Variants in NPLOC4 observed in about 807,000 individuals in gnomAD.
NPLOC4 encodes nuclear protein localization protein 4 homolog.
NPLOC4 carries 18 observed loss-of-function variants against 80.6 expected under a neutral mutation model. That is an observed-to-expected ratio of 0.22 (90% CI 0.15 to 0.33). The LOEUF is 0.33. NPLOC4 is among the 10% of genes least tolerant of loss of function. NPLOC4 has a pLI of 1.00. For missense variants in NPLOC4, 540 were observed against 786.1 expected, an observed-to-expected ratio of 0.69 and a Z score of 3.74; for synonymous variants, 313 against 301.5, an observed-to-expected ratio of 1.04 and a Z score of -0.39.
At chr17:81,590,791 CCACA>C (rs1361544856) in intron 11 of NPLOC4, among the ~76,000 whole-genome samples, 1 of 152,186 alleles carries the variant, frequency 6.6e-6, no homozygotes, top group African/African-American at 2.4e-5. Context: ...AACCTGACGG[CCACA>C]CAATCAAAAA....
intron 2 of NPLOC4, among the ~76,000 whole-genome samples, chr17:81,625,874 C>T (rs2035782703): frequency 6.6e-6 from 1 of 151,772 alleles, no homozygotes; most frequent in South Asian, 2.1e-4. Flanking sequence ...GAGGGTTGGG[C>T]GCGGAGGTTC....
intron 15 of NPLOC4, among the ~76,000 whole-genome samples, 155 bp from the exon 16 acceptor site, chr17:81,565,762 C>T (rs564187825): frequency 6.6e-6 from 1 of 152,364 alleles, no homozygotes; most frequent in African/African-American, 2.4e-5. Flanking sequence ...ACTGCCACAA[C>T]TTACATCTAT....
Position 81,637,037 on chromosome 17 carries a change from C to T in NPLOC4, c.-107G>A, listed in dbSNP as rs2036101394. 4.7e-6 allele frequency: 3 copies of T among 643,774 alleles called. No homozygotes were observed. Among genetic ancestry groups the T allele is most frequent in the Non-Finnish European group, 4.3e-6 (2 of 468,070 alleles). 39.9% of individuals were successfully genotyped at this position (643,774 alleles called of 1,614,324 possible). A position where few individuals can be genotyped will look rare whatever the true frequency, so the allele number is the denominator to read the frequency against. ...CTCAGCCCCGGCCCCGGCCTCCCTA[C>T]GCCGCCGCCACCGCCGCTCCAGCTT... On this transcript the variant is annotated 5_prime_UTR_variant, in exon 1 of 17. Coordinates refer to ENST00000331134, the MANE Select transcript of NPLOC4 (RefSeq NM_017921.4).
chr17:81,602,924 C>T (rs774227127), intron 8 of NPLOC4, among the ~76,000 whole-genome samples: 6 of 103,814 alleles, frequency 5.8e-5, no homozygotes, highest in South Asian at 5.7e-4. Context: ...TGTATATATA[C>T]ACACACACAT....
At chr17:81,624,922 G>A (rs572451386) in intron 2 of NPLOC4, among the ~76,000 whole-genome samples, 11 of 152,326 alleles carry the variant, frequency 7.2e-5, no homozygotes, top group African/African-American at 2.4e-4. Flanking sequence ...TGAGGCTGGC[G>A]AGGCAGACAG....
intron 13 of NPLOC4, among the ~76,000 whole-genome samples, chr17:81,569,557 C>T (rs998519672): frequency 2.6e-5 from 4 of 152,238 alleles, no homozygotes; most frequent in East Asian, 1.9e-4. Flanking sequence ...TCATTGGATT[C>T]GGAGGGCAAA....
intron 1 of NPLOC4, among the ~76,000 whole-genome samples, chr17:81,634,030 A>AT (rs2036002607): frequency 6.7e-6 from 1 of 150,116 alleles, no homozygotes; most frequent in Non-Finnish European, 1.5e-5. Context: ...CGCCCGGTTA[A>AT]TTTTTTGTAT....
At chr17:81,614,736 G>A (rs759712196) in intron 3 of NPLOC4, among the ~76,000 whole-genome samples, 1 of 152,122 alleles carries the variant, frequency 6.6e-6, no homozygotes, top group Non-Finnish European at 1.5e-5. Context: ...GCTGACCTCA[G>A]AGGCTAACAA....
At chr17:81,586,661 C>T (rs1283434669) in intron 12 of NPLOC4, among the ~76,000 whole-genome samples, 3 of 150,804 alleles carry the variant, frequency 2.0e-5, no homozygotes, top group East Asian at 3.9e-4. Flanking sequence ...GGGATACCTA[C>T]ATATTTAAGC....
At position 81,559,043 on chromosome 17, in the gene NPLOC4, A is replaced by G. The variant is rs964844979; in HGVS notation, c.*216T>C. ...GCCGCTCTGCGTTTCCAGTCTGGAGACTGCATTCAGCCTGCAGAATACCAG... is the reference window on the plus strand; with the variant it reads ...GCCGCTCTGCGTTTCCAGTCTGGAGGCTGCATTCAGCCTGCAGAATACCAG... On this transcript the variant is annotated 3_prime_UTR_variant, in exon 17 of 17. Transcript: ENST00000331134. 8.8e-5 allele frequency: 49 copies of G among 559,778 alleles called. 1 individual carries two copies. Among genetic ancestry groups the G allele is most frequent in the South Asian group, 5.1e-4 (22 of 42,942 alleles). 34.7% of individuals were successfully genotyped at this position (559,778 alleles called of 1,614,324 possible).
In NPLOC4 at chr17:81,558,304, G is replaced by C. The variant is rs2033713141; in HGVS notation, c.*955C>G. 1 of 152,360 alleles carries C rather than the reference G, an allele frequency of 6.6e-6. No individual in the cohort carries two copies. Among genetic ancestry groups the C allele is most frequent in the African/African-American group, 2.4e-5 (1 of 41,480 alleles). The allele number at this position is 152,360 out of a possible 1,614,324, so 9.4% of individuals were successfully genotyped here. On this transcript the variant is annotated 3_prime_UTR_variant, in exon 17 of 17. Transcript: ENST00000331134. ...CGAAGCAGCGTATTGGGGAGGGCCA[G>C]AGCATCGGCACCGGTGACCCAGCTC...
At chr17:81,628,027 A>G (rs529240694) in intron 2 of NPLOC4, among the ~76,000 whole-genome samples, 152 of 151,992 alleles carry the variant, frequency 1.0e-3, no homozygotes, top group South Asian at 7.7e-3. Context: ...CCTGGCTAAC[A>G]TGGTGAAATC....
intron 3 of NPLOC4, among the ~76,000 whole-genome samples, chr17:81,618,666 G>A (rs996318410): frequency 2.0e-4 from 31 of 151,424 alleles, no homozygotes; most frequent in Non-Finnish European, 4.1e-4. Flanking sequence ...GGGAAGTGAG[G>A]AGCCCCTCTG....
chr17:81,567,276 T>C lies in NPLOC4; in HGVS notation c.1566+141A>G. The C allele has an allele frequency of 1.6e-6, 1 of 626,940 alleles. No individual in the cohort carries two copies. Among genetic ancestry groups the C allele is most frequent in the South Asian group, 1.9e-5 (1 of 51,912 alleles). The allele number at this position is 626,940 out of a possible 1,614,324, so 38.8% of individuals were successfully genotyped here. A position where few individuals can be genotyped will look rare whatever the true frequency, so the allele number is the denominator to read the frequency against. On this transcript the variant is annotated intron_variant, in intron 15 of 16. Transcript: ENST00000331134. The surrounding 1 kb of genome is among the most constrained non-coding windows in gnomAD (Gnocchi z 4.5). ...GCCTACACTCTGCCCATAGGACAAATGAGGGGGACAACCTGTGACCCCGAG... is the reference window on the plus strand; with the variant it reads ...GCCTACACTCTGCCCATAGGACAAACGAGGGGGACAACCTGTGACCCCGAG...
Position 81,565,525 on chromosome 17 carries a change from G to A in NPLOC4, c.1649C>T (p.Ala550Val). The A allele has an allele frequency of 6.4e-7, 1 of 1,552,318 alleles. No homozygotes were observed. ...CTCACTGCACAGCTGCTCGATGGTG[G>A]CCCACTGCTCAGACCTCTTCCATGT... ...AQTWKRSEQW[A>V]TIEQLCSTVG... Residue 550 changes from alanine (A) to valine (V), a missense_variant, in exon 16 of 17, where the codon GCC becomes GTC. This residue lies in a region of NPLOC4 where 251 missense variants were observed against 377.5 expected (regional missense o/e 0.66). Coordinates refer to ENST00000331134, the MANE Select transcript of NPLOC4 (RefSeq NM_017921.4).
Position 81,567,472 on chromosome 17 carries a change from A to G in NPLOC4, c.1511T>C (p.Ile504Thr). The G allele has an allele frequency of 6.2e-7, 1 of 1,613,868 alleles. No individual in the cohort carries two copies. Among genetic ancestry groups the G allele is most frequent in the Admixed American group, 1.7e-5 (1 of 60,012 alleles). ...QNTSSVFLDT[I>T]SDFHLLLFLV... The stretch of plus-strand genomic sequence containing the variant: ...GAACAGCAAGAGGTGGAAATCTGAG[A>G]TGGTATCCAAGAACACAGATGAGGT... Residue 504 changes from isoleucine (I) to threonine (T), a missense_variant, in exon 15 of 17, where the codon ATC becomes ACC. By Grantham distance (89) the Ile-to-Thr change is moderately conservative. Transcript: ENST00000331134. This position sits in a 1 kb window ranked among gnomAD's most constrained non-coding sequence, Gnocchi z 4.5.
At chr17:81,581,982 T>C (rs7405864) in intron 12 of NPLOC4, among the ~76,000 whole-genome samples, 21,782 of 152,136 alleles carry the variant, frequency 0.14, 1,853 homozygotes, top group Admixed American at 0.23. Flanking sequence ...AGCAGAGACA[T>C]GCTTCCATGG....
At chr17:81,615,513 T>C (rs753002810) in intron 3 of NPLOC4, among the ~76,000 whole-genome samples, 8 of 152,280 alleles carry the variant, frequency 5.3e-5, no homozygotes, top group Admixed American at 3.9e-4. Context: ...CTAAAATCAA[T>C]TGATGAGCTC....
chr17:81,596,363 T>TCAAAGTGCTGGAA, intron 10 of NPLOC4, 121 bp from the exon 11 acceptor site: 2 of 1,165,810 alleles, frequency 1.7e-6, no homozygotes, highest in Non-Finnish European at 2.4e-6. Flanking sequence ...ATTCCAGCAC[T>TCAAAGTGCTGGAA]TTGAGAGGTG....
Sources: allele counts gnomAD v4.1 joint callset (sites outside exome capture counted in the v4.1 genomes callset), GRCh38; gene constraint gnomAD v4.1.1; regional missense constraint gnomAD v4.1.1; non-coding constraint Gnocchi (gnomAD v3.1); transcripts MANE v1.5; gene names NCBI Gene and HGNC (gene_info 2026-07-23, HGNC 2026-07-21).